The following DENND2A variants were observed in gnomAD, a reference collection of about 807,000 sequenced individuals.
The protein encoded by DENND2A is DENN domain-containing protein 2A.
Under a neutral mutation model 105.3 loss-of-function variants are expected in DENND2A, and 53 were observed. The observed-to-expected ratio is 0.50, with a 90% CI of 0.40 to 0.63. The LOEUF is 0.63. DENND2A is among the 30% of genes least tolerant of loss of function. DENND2A has a pLI of 0.00. For synonymous variants in DENND2A, 522 were observed against 508.4 expected (o/e 1.03, Z -0.36); for missense variants, 1,138 against 1,279.6 (o/e 0.89, Z 1.69).
At position 140,567,304 on chromosome 7, in the gene DENND2A, AAGAGAGAGAGAGAG is replaced by A. The variant is rs60964847; in HGVS notation, c.1592-45_1592-32del. 5.8e-5 allele frequency: 38 copies of A among 659,894 alleles called. No individual in the cohort carries two copies. The Admixed American group carries it at 6.0e-4, about 10-fold the overall frequency. 40.9% of individuals were successfully genotyped at this position (659,894 alleles called of 1,614,324 possible). A position where few individuals can be genotyped will look rare whatever the true frequency, so the allele number is the denominator to read the frequency against. On this transcript the variant is annotated intron_variant, in intron 8 of 19. Transcript: ENST00000496613. ...TGAGGGAGGGAGAGAGAAAGAGAGA[AAGAGAGAGAGAGAG>A]AGAGAGAGAGAGAGAGAGAGAGAGA...
intron 14 of DENND2A, among the ~76,000 whole-genome samples, chr7:140,540,196 A>G (rs1796610522): frequency 6.6e-6 from 1 of 152,244 alleles, no homozygotes; most frequent in Non-Finnish European, 1.5e-5. Flanking sequence ...CAAGGAGGGC[A>G]CCACAATTAT....
upstream of DENND2A, among the ~76,000 whole-genome samples, chr7:140,640,978 C>T (rs1336439311): frequency 6.6e-6 from 1 of 152,094 alleles, no homozygotes; most frequent in Non-Finnish European, 1.5e-5. This position sits in a 1 kb window ranked among gnomAD's most constrained non-coding sequence, Gnocchi z 4.9. Context: ...CCTCGCCTCT[C>T]GGGGTGGGGG....
intron 1 of DENND2A, among the ~76,000 whole-genome samples, chr7:140,612,333 GA>G (rs1213478255): frequency 2.0e-5 from 3 of 152,022 alleles, no homozygotes; most frequent in Non-Finnish European, 4.4e-5. Flanking sequence ...TATATTCCGT[GA>G]AAAAAATAAG....
intron 7 of DENND2A, among the ~76,000 whole-genome samples, chr7:140,569,081 T>A (rs1373149675): frequency 2.6e-5 from 4 of 152,124 alleles, no homozygotes; most frequent in Admixed American, 6.5e-5. Flanking sequence ...TATGCCACCA[T>A]GCCTGGCTAA....
Position 140,555,658 on chromosome 7 carries a change from C to A in DENND2A, c.2015G>T (p.Gly672Val). The change falls in exon 12 of 20, where the codon GGA (glycine) becomes GTA (valine). Residue 672 changes from glycine to valine, a missense_variant. Transcript: ENST00000496613. ...CACCCTTGAAAAGAGGCTGAAGCAT[C>A]CCAGGCGGCTCACAATGCAGTAAAC... ...PEVYCIVSRL[G>V]CFSLFSRILD... 1.2e-6 allele frequency: 2 copies of A among 1,609,738 alleles called. No homozygotes were observed. The highest frequency in any genetic ancestry group is 8.5e-7 in the Non-Finnish European group (1 of 1,178,752).
At chr7:140,579,479 G>A (rs1183825692) in intron 5 of DENND2A, among the ~76,000 whole-genome samples, 1 of 149,962 alleles carries the variant, frequency 6.7e-6, no homozygotes, top group African/African-American at 2.5e-5. Flanking sequence ...TGCAACCTCC[G>A]CCTCCCAGAT....
rs1371363463 is a variant in DENND2A at position 140,640,378 on chromosome 7, A to T, written c.-248+126T>A. The T allele has an allele frequency of 6.6e-6, 1 of 152,168 alleles. No individual in the cohort carries two copies. Among genetic ancestry groups the T allele is most frequent in the African/African-American group, 2.4e-5 (1 of 41,430 alleles). 9.4% of individuals were successfully genotyped at this position (152,168 alleles called of 1,614,324 possible). Reference sequence around the variant, plus strand: ...GGCGGGAACTCAGACTCCCGTCTGCAGAGCCGCTTCCCCCGTCAGGGCTCA... The same window carrying T: ...GGCGGGAACTCAGACTCCCGTCTGCTGAGCCGCTTCCCCCGTCAGGGCTCA... On this transcript the variant is annotated intron_variant, in intron 1 of 19. Transcript: ENST00000496613. The surrounding 1 kb of genome is among the most constrained non-coding windows in gnomAD (Gnocchi z 4.9).
intron 14 of DENND2A, among the ~76,000 whole-genome samples, chr7:140,530,951 C>G (rs1219119596): frequency 1.3e-5 from 2 of 152,120 alleles, no homozygotes; most frequent in South Asian, 4.1e-4. Flanking sequence ...AGGCTGGTCT[C>G]GAACTCCTGA....
intron 14 of DENND2A, among the ~76,000 whole-genome samples, chr7:140,530,489 C>T (rs1190432246): frequency 3.3e-5 from 5 of 152,144 alleles, no homozygotes; most frequent in East Asian, 1.9e-4. Context: ...ATCCATGCAT[C>T]GCACTGATAT....
intron 5 of DENND2A, among the ~76,000 whole-genome samples, chr7:140,578,515 C>T (rs539313396): frequency 6.6e-6 from 1 of 152,298 alleles, no homozygotes; most frequent in South Asian, 2.1e-4. Flanking sequence ...TACATATTTG[C>T]TCATATGTGC....
chr7:140,563,661 T>C (rs1285456802), intron 9 of DENND2A, among the ~76,000 whole-genome samples: 2 of 111,458 alleles, frequency 1.8e-5, no homozygotes, highest in African/African-American at 7.3e-5. Context: ...TGTACAAGGA[T>C]GATCACCATT....
At position 140,519,848 on chromosome 7, in the gene DENND2A, G is replaced by A. The variant is rs141986916; in HGVS notation, c.2912-130C>T. 3.9e-4 allele frequency: 301 copies of A among 772,804 alleles called. 1 individual carries two copies. The African/African-American group carries it at 4.9e-3, about 13-fold the overall frequency. The allele number at this position is 772,804 out of a possible 1,614,324, so 47.9% of individuals were successfully genotyped here. A position where few individuals can be genotyped will look rare whatever the true frequency, so the allele number is the denominator to read the frequency against. ...TAAGCTGCTCCTATAAACATGCTCTGAATCAGGAGGTTTTATAAGGATTTT... is the reference window on the plus strand; with the variant it reads ...TAAGCTGCTCCTATAAACATGCTCTAAATCAGGAGGTTTTATAAGGATTTT... On this transcript the variant is annotated intron_variant, in intron 18 of 19. Transcript: ENST00000496613.
At chr7:140,628,153 C>T (rs1585787926) in intron 1 of DENND2A, among the ~76,000 whole-genome samples, 1 of 152,340 alleles carries the variant, frequency 6.6e-6, no homozygotes, top group East Asian at 1.9e-4. Flanking sequence ...ACCTGCAGGG[C>T]TGCTTACACA....
In DENND2A at chr7:140,602,119, T is replaced by C; in HGVS notation, c.279A>G (p.Thr93=). 6.2e-7 allele frequency: 1 copy of C among 1,614,186 alleles called. No homozygotes were observed. The highest frequency in any genetic ancestry group is 8.5e-7 in the Non-Finnish European group (1 of 1,180,030). The change falls in exon 3 of 20, where the codon ACA becomes ACG. Residue 93 remains threonine, a synonymous_variant. Transcript: ENST00000496613. ...CTGGCCTCATTCCATTCTTAGCCTC[T>C]GTGACCTGAGTTCTCACCCCATCAC... ...RSSDGVRTQV[T]EAKNGMRPGT...
chr7:140,587,878 T>G, intron 3 of DENND2A, 98 bp from the exon 4 acceptor site: 1 of 1,256,164 alleles, frequency 8.0e-7, no homozygotes, highest in Non-Finnish European at 1.0e-6. Context: ...AAATTTTCTT[T>G]TTCTTAGAAA....
At chr7:140,566,543 G>C (rs1342401282) in intron 9 of DENND2A, among the ~76,000 whole-genome samples, 2 of 152,068 alleles carry the variant, frequency 1.3e-5, no homozygotes, top group African/African-American at 4.8e-5. Context: ...GGGAGACTTG[G>C]GGCTTCAGGG....
chr7:140,524,555 TA>T (rs1795977682), intron 16 of DENND2A, among the ~76,000 whole-genome samples: 1 of 152,188 alleles, frequency 6.6e-6, no homozygotes, highest in South Asian at 2.1e-4. Flanking sequence ...CGTATATACA[TA>T]TTTTTTTTCC....
intron 2 of DENND2A, among the ~76,000 whole-genome samples, chr7:140,603,701 A>G (rs1475181676): frequency 6.6e-6 from 1 of 152,206 alleles, no homozygotes; most frequent in Non-Finnish European, 1.5e-5. Context: ...CAGATTTCAC[A>G]CTTGGCTTAG....
chr7:140,581,970 T>TG (rs11418260), intron 5 of DENND2A, among the ~76,000 whole-genome samples: 1,249 of 43,624 alleles, frequency 0.029, 13 homozygotes, highest in African/African-American at 0.17. Flanking sequence ...TGGGCAGATG[T>TG]TTTTTTTTTT....
Sources: allele counts gnomAD v4.1 joint callset (sites outside exome capture counted in the v4.1 genomes callset), GRCh38; gene constraint gnomAD v4.1.1; non-coding constraint Gnocchi (gnomAD v3.1); transcripts MANE v1.5; gene names NCBI Gene and HGNC (gene_info 2026-07-23, HGNC 2026-07-21).